Variants in AGBL4 observed in about 807,000 individuals in gnomAD.
The protein encoded by AGBL4 is AGBL carboxypeptidase 4.
Under a neutral mutation model 66.4 loss-of-function variants are expected in AGBL4, and 58 were observed. The observed-to-expected ratio is 0.87, with a 90% confidence interval of 0.71 to 1.09. The LOEUF (loss-of-function observed/expected upper bound fraction) is 1.09, where lower values mean the gene tolerates loss of function less well. Ranked by LOEUF, AGBL4 falls within the 50% of genes least tolerant of loss-of-function variation. The probability of loss-of-function intolerance (pLI) is 0.00; values close to 1 mark genes in which losing one functional copy is unlikely to be tolerated. For missense variants in AGBL4, 579 were observed against 631.0 expected (o/e 0.92, Z 0.88); for synonymous variants, 234 against 222.9 (o/e 1.05, Z -0.44).
intron 2 of AGBL4, among the ~76,000 whole-genome samples, chr1:49,789,343 A>C (rs1644537229): frequency 6.6e-6 from 1 of 152,134 alleles, no homozygotes; most frequent in Non-Finnish European, 1.5e-5. Flanking sequence ...TATAAAAATG[A>C]TGCTGGAAAC....
intron 3 of AGBL4, among the ~76,000 whole-genome samples, chr1:49,329,887 T>C (rs1645299141): frequency 1.3e-5 from 2 of 152,080 alleles, no homozygotes; most frequent in African/African-American, 2.4e-5. Flanking sequence ...GTCTGTCTTA[T>C]ATATATTTAC....
intron 4 of AGBL4, among the ~76,000 whole-genome samples, chr1:49,072,139 T>G (rs1407709280): frequency 6.6e-6 from 1 of 152,182 alleles, no homozygotes; most frequent in East Asian, 1.9e-4. Flanking sequence ...GTGTGTGTCT[T>G]TGCACATAAG....
At chr1:49,666,409 T>A (rs926597197) in intron 3 of AGBL4, among the ~76,000 whole-genome samples, 4 of 151,666 alleles carry the variant, frequency 2.6e-5, no homozygotes, top group African/African-American at 9.7e-5. Context: ...CTACTAAAAA[T>A]ACACAAATTA....
At chr1:49,173,134 T>G (rs1646768900) in intron 4 of AGBL4, among the ~76,000 whole-genome samples, 1 of 151,844 alleles carries the variant, frequency 6.6e-6, no homozygotes, top group African/African-American at 2.4e-5. Flanking sequence ...AAAAAAATAG[T>G]ACTCTATACC....
At chr1:49,974,668 T>G (rs935272023) in intron 1 of AGBL4, among the ~76,000 whole-genome samples, 2 of 152,134 alleles carry the variant, frequency 1.3e-5, no homozygotes, top group Non-Finnish European at 2.9e-5. Context: ...TTTCTAGAAA[T>G]GATTTTCATG....
intron 2 of AGBL4, among the ~76,000 whole-genome samples, chr1:49,841,623 T>G (rs1645992070): frequency 6.6e-6 from 1 of 152,026 alleles, no homozygotes; most frequent in Non-Finnish European, 1.5e-5. Context: ...CGAAACAGTA[T>G]GGTGCTGGTA....
At chr1:49,199,710 C>G (rs935616857) in intron 4 of AGBL4, among the ~76,000 whole-genome samples, 2 of 152,178 alleles carry the variant, frequency 1.3e-5, no homozygotes, top group Non-Finnish European at 1.5e-5. Context: ...CCTCCCTGAA[C>G]CTTCTCTCCA....
intron 4 of AGBL4, among the ~76,000 whole-genome samples, chr1:49,126,542 G>T (rs1645767963): frequency 1.3e-5 from 2 of 152,088 alleles, no homozygotes; most frequent in African/African-American, 4.8e-5. Flanking sequence ...ATCACCCAAA[G>T]AACTATTATA....
chr1:49,092,104 T>A (rs1277297967), intron 4 of AGBL4, among the ~76,000 whole-genome samples: 2 of 152,004 alleles, frequency 1.3e-5, no homozygotes, highest in African/African-American at 2.4e-5. Context: ...AATGAAATAA[T>A]CTGTACACCA....
At chr1:49,457,229 A>G (rs184550575) in intron 3 of AGBL4, among the ~76,000 whole-genome samples, 4 of 151,808 alleles carry the variant, frequency 2.6e-5, no homozygotes, top group Non-Finnish European at 4.4e-5. Context: ...ATCCATGTCA[A>G]CATCTATTAT....
At chr1:48,891,459 T>A (rs567179940) in intron 5 of AGBL4, among the ~76,000 whole-genome samples, 1 of 152,278 alleles carries the variant, frequency 6.6e-6, no homozygotes, top group African/African-American at 2.4e-5. Context: ...GTCATAATGA[T>A]AAATCAAACC....
At position 49,564,682 on chromosome 1, in the gene AGBL4, T is replaced by A. The variant is rs542871737; in HGVS notation, c.282+132631A>T. Among the ~76,000 whole-genome samples the A allele has an allele frequency of 2.0e-5, 3 of 152,380 alleles. No homozygotes were observed. In the South Asian group the frequency reaches 6.2e-4, roughly 32 times the overall value. On this transcript the variant is annotated intron_variant, in intron 3 of 13. Transcript: ENST00000371839. The stretch of plus-strand genomic sequence containing the variant: ...CTGTGGTCTGAGAGACAGTTTGTTA[T>A]AATTTCTATTCTTTTACATTTGCTG...
intron 4 of AGBL4, among the ~76,000 whole-genome samples, chr1:49,133,066 G>A (rs1450288477): frequency 6.6e-6 from 1 of 151,854 alleles, no homozygotes; most frequent in South Asian, 2.1e-4. Context: ...GCCATAAAAA[G>A]AAAGAGTTCA....
chr1:48,944,367 A>G (rs1656276942), intron 5 of AGBL4, among the ~76,000 whole-genome samples: 1 of 152,146 alleles, frequency 6.6e-6, no homozygotes, highest in Non-Finnish European at 1.5e-5. Flanking sequence ...TCGCTCATAC[A>G]CTACTTGAAG....
At chr1:48,963,970 A>G (rs1394678577) in intron 5 of AGBL4, among the ~76,000 whole-genome samples, 1 of 152,214 alleles carries the variant, frequency 6.6e-6, no homozygotes, top group Non-Finnish European at 1.5e-5. Context: ...TCAACAAAAT[A>G]TATTTAAATG....
At chr1:48,885,683 GT>G (rs1650253755) in intron 5 of AGBL4, among the ~76,000 whole-genome samples, 1 of 152,074 alleles carries the variant, frequency 6.6e-6, no homozygotes, top group Non-Finnish European at 1.5e-5. Flanking sequence ...CTTATTTAAT[GT>G]TGTGCTCTCT....
intron 3 of AGBL4, among the ~76,000 whole-genome samples, chr1:49,612,190 TG>T (rs1265537697): frequency 6.6e-6 from 1 of 152,218 alleles, no homozygotes; most frequent in Non-Finnish European, 1.5e-5. Context: ...ATTTAACACT[TG>T]GTGGATGCTT....
chr1:49,042,304 C>T (rs1643963787), intron 5 of AGBL4, among the ~76,000 whole-genome samples: 1 of 151,982 alleles, frequency 6.6e-6, no homozygotes. Flanking sequence ...AAAAAATTAT[C>T]CCCAGAAAGG....
chr1:49,797,661 T>A (rs560929715), intron 2 of AGBL4, among the ~76,000 whole-genome samples: 1 of 152,278 alleles, frequency 6.6e-6, no homozygotes, highest in South Asian at 2.1e-4. Context: ...CCTATACTGG[T>A]CTTGAAACAC....
Sources: gnomAD v4.1 joint callset for allele counts (sites outside exome capture counted in the v4.1 genomes callset) on GRCh38, gnomAD v4.1.1 for gene constraint, MANE v1.5 for transcripts, NCBI Gene and HGNC (gene_info 2026-07-23, HGNC 2026-07-21) for gene names.